The following C3orf20 variants were observed in gnomAD, a reference collection of about 807,000 sequenced individuals.
C3orf20 encodes family with sequence similarity 149 member C, also known as uncharacterized protein C3orf20.
A neutral mutation model predicts 88.3 loss-of-function variants in C3orf20; 76 were observed. The observed-to-expected ratio is 0.86, with a 90% CI of 0.72 to 1.04. C3orf20 has a LOEUF of 1.04. Ranked by LOEUF, C3orf20 falls within the 50% of genes least tolerant of loss-of-function variation. The pLI, the probability that C3orf20 is intolerant of heterozygous loss-of-function variation, is 0.00. For missense variants in C3orf20, 1,056 were observed against 1,123.3 expected, an observed-to-expected ratio of 0.94 and a Z score of 0.86; for synonymous variants, 436 against 437.4, an observed-to-expected ratio of 1.00 and a Z score of 0.04.
intron 4 of C3orf20, among the ~76,000 whole-genome samples, chr3:14,688,943 A>G (rs1431313498): frequency 1.3e-5 from 2 of 152,138 alleles, no homozygotes; most frequent in Non-Finnish European, 2.9e-5. Context: ...CATGTTCCAC[A>G]TTTACCGAAA....
In C3orf20 at chr3:14,704,352, C is replaced by T; in HGVS notation, c.894C>T (p.Ala298=). ...TTCTCTGCAGAGAAGCTGAAAGGGC[C>T]ACATGGAAAGGGAGGAATATCTCCT... ...ELCRHIEAER[A]TWKGRNISYP... is the part of the protein sequence containing the mutation. Residue 298 remains alanine (A), a synonymous_variant, in exon 7 of 17, where the codon GCC becomes GCT. Transcript: ENST00000253697. 5 of 1,613,996 alleles carry T rather than the reference C, an allele frequency of 3.1e-6. No homozygotes were observed. The highest frequency in any genetic ancestry group is 3.4e-6 in the Non-Finnish European group (4 of 1,179,960).
chr3:14,759,672 C>T (rs1283212219), intron 13 of C3orf20, among the ~76,000 whole-genome samples: 1 of 152,150 alleles, frequency 6.6e-6, no homozygotes, highest in East Asian at 1.9e-4. Context: ...ATGGCCTTCT[C>T]CCCTAGCGGG....
chr3:14,761,729 GA>G, intron 15 of C3orf20, 114 bp downstream of exon 15: 23 of 904,370 alleles, frequency 2.5e-5, no homozygotes, highest in East Asian at 8.8e-5. Flanking sequence ...TGAAGGGATG[GA>G]GTGGGGAGGG....
intron 15 of C3orf20, among the ~76,000 whole-genome samples, chr3:14,762,184 G>T (rs190854350): frequency 3.0e-4 from 45 of 152,320 alleles, no homozygotes; most frequent in Admixed American, 2.6e-3. Context: ...TGATCCTCCT[G>T]CCTCAGCCTC....
intron 1 of C3orf20, among the ~76,000 whole-genome samples, chr3:14,680,328 A>G (rs912238929): frequency 6.6e-6 from 1 of 152,236 alleles, no homozygotes; most frequent in African/African-American, 2.4e-5. Context: ...CATTAAAAGG[A>G]GTGAAGTACT....
intron 12 of C3orf20, among the ~76,000 whole-genome samples, chr3:14,747,542 G>A (rs1019826349): frequency 2.6e-5 from 4 of 152,172 alleles, no homozygotes; most frequent in African/African-American, 9.7e-5. Flanking sequence ...ATCCAGTCTA[G>A]TCTACAGATA....
At chr3:14,727,886 G>A (rs1390221125) in intron 11 of C3orf20, among the ~76,000 whole-genome samples, 1 of 152,176 alleles carries the variant, frequency 6.6e-6, no homozygotes, top group Non-Finnish European at 1.5e-5. Flanking sequence ...GGGAATTTCT[G>A]GAGTCTGGGA....
Position 14,690,095 on chromosome 3 carries a change from A to G in C3orf20, c.724A>G (p.Lys242Glu), listed in dbSNP as rs1186240689. The change falls in exon 5 of 17, where the codon AAA becomes GAA. Residue 242 changes from lysine to glutamate, a missense_variant. Coordinates refer to ENST00000253697, the MANE Select transcript of C3orf20 (RefSeq NM_032137.5). ...TCTGAGCTTTTCTCTCTCTGCTGGA[A>G]AAGAAGCCAAGAAGAAAATAGGTAA... The part of the protein sequence containing the change: ...ACLSFSLSAG[K>E]EAKKKIGKSR... 5.6e-6 allele frequency: 9 copies of G among 1,614,204 alleles called. No homozygotes were observed. Among genetic ancestry groups the G allele is most frequent in the Non-Finnish European group, 7.6e-6 (9 of 1,180,036 alleles).
At chr3:14,740,643 A>G (rs1311510970) in intron 12 of C3orf20, among the ~76,000 whole-genome samples, 1 of 152,214 alleles carries the variant, frequency 6.6e-6, no homozygotes, top group African/African-American at 2.4e-5. Flanking sequence ...GGAGCACAAT[A>G]ACATGAAGTA....
chr3:14,687,324 A>T (rs951510544), intron 4 of C3orf20, among the ~76,000 whole-genome samples: 1 of 152,228 alleles, frequency 6.6e-6, no homozygotes, highest in African/African-American at 2.4e-5. Context: ...TGTTATTTTC[A>T]TAAATTTTGG....
At chr3:14,740,271 G>A (rs2034862998) in intron 12 of C3orf20, among the ~76,000 whole-genome samples, 1 of 152,174 alleles carries the variant, frequency 6.6e-6, no homozygotes, top group African/African-American at 2.4e-5. Flanking sequence ...TTTCAATATT[G>A]TTATGCCTCA....
At chr3:14,696,823 T>C (rs560507162) in intron 5 of C3orf20, among the ~76,000 whole-genome samples, 6 of 152,072 alleles carry the variant, frequency 3.9e-5, no homozygotes, top group Non-Finnish European at 8.8e-5. Flanking sequence ...TTCTTTCTGA[T>C]TGAAGTACTG....
At chr3:14,718,041 T>C (rs938935976) in intron 9 of C3orf20, among the ~76,000 whole-genome samples, 2 of 152,146 alleles carry the variant, frequency 1.3e-5, no homozygotes, top group African/African-American at 4.8e-5. Context: ...TTCCATTTAC[T>C]GAGTTTCTTG....
At chr3:14,728,751 T>C (rs1400999414) in intron 12 of C3orf20, 63 bp downstream of exon 12, 9 of 1,563,558 alleles carry the variant, frequency 5.8e-6, no homozygotes, top group South Asian at 1.2e-5. Context: ...GGGCACAGGA[T>C]AGTGAACCCA....
chr3:14,698,648 C>T (rs1231614930), intron 5 of C3orf20, among the ~76,000 whole-genome samples: 1 of 152,198 alleles, frequency 6.6e-6, no homozygotes, highest in Non-Finnish European at 1.5e-5. Context: ...TGTGCTGAGC[C>T]ACCTGGAGCT....
In C3orf20 at chr3:14,684,223, C is replaced by A; in HGVS notation, c.485-19C>A. 6.2e-7 allele frequency: 1 copy of A among 1,613,124 alleles called. No individual in the cohort carries two copies. The highest frequency in any genetic ancestry group is 8.5e-7 in the Non-Finnish European group (1 of 1,179,546). ...CCCATGCTAGGAGGGACACGTGTTG[C>A]TTTCTATCATTGCTTTAGTGGGTGC... On this transcript the variant is annotated intron_variant, in intron 3 of 16. Coordinates refer to ENST00000253697, the MANE Select transcript of C3orf20 (RefSeq NM_032137.5).
At position 14,675,230 on chromosome 3, in the gene C3orf20, C is replaced by G. The variant is rs1213979396; in HGVS notation, c.-321C>G. ...AAGTCGGTTATTCGGCAAGCAGTTC[C>G]TATAAAAAACTACATGGCTAAGGTG... On this transcript the variant is annotated 5_prime_UTR_variant, in exon 1 of 17. Coordinates refer to ENST00000253697, the MANE Select transcript of C3orf20 (RefSeq NM_032137.5). 2.0e-5 allele frequency: 3 copies of G among 152,114 alleles called. No homozygotes were observed. The highest frequency in any genetic ancestry group is 4.4e-5 in the Non-Finnish European group (3 of 68,032). 9.4% of individuals were successfully genotyped at this position (152,114 alleles called of 1,614,324 possible).
At chr3:14,692,753 AT>A (rs1333751632) in intron 5 of C3orf20, among the ~76,000 whole-genome samples, 1 of 151,990 alleles carries the variant, frequency 6.6e-6, no homozygotes, top group African/African-American at 2.4e-5. Context: ...TGATTTGTCC[AT>A]TTTTGTTTTG....
At position 14,715,387 on chromosome 3, in the gene C3orf20, C is replaced by T. The variant is rs750155180; in HGVS notation, c.1412C>T (p.Thr471Ile). The change falls in exon 9 of 17, where the codon ACC becomes ATC. Residue 471 changes from threonine (T) to isoleucine (I), a missense_variant. Coordinates refer to ENST00000253697, the MANE Select transcript of C3orf20 (RefSeq NM_032137.5). Reference sequence around the variant, plus strand: ...TGGAGCTGGACTTCCAGGACAGAGACCCTGCTTTCCCTGGAATACAAGGTA... The same window carrying T: ...TGGAGCTGGACTTCCAGGACAGAGATCCTGCTTTCCCTGGAATACAAGGTA... ...HKWSWTSRTE[T>I]LLSLEYKVNE... The T allele has an allele frequency of 6.2e-7, 1 of 1,611,794 alleles. No individual in the cohort carries two copies. The highest frequency in any genetic ancestry group is 1.1e-5 in the South Asian group (1 of 90,826).
Sources: gnomAD v4.1 joint callset for allele counts (sites outside exome capture counted in the v4.1 genomes callset) on GRCh38, gnomAD v4.1.1 for gene constraint, MANE v1.5 for transcripts, NCBI Gene and HGNC (gene_info 2026-07-23, HGNC 2026-07-21) for gene names.